Variants in TBC1D5 observed in about 807,000 individuals in gnomAD.
The protein encoded by TBC1D5 is TBC1 domain family member 5.
TBC1D5 carries 75 observed loss-of-function variants against 100.3 expected under a neutral mutation model. The ratio of observed to expected loss-of-function variants is 0.75; its 90% confidence interval spans 0.62 to 0.91. The LOEUF is 0.91. TBC1D5 is among the 40% of genes least tolerant of loss of function. The pLI is 0.00. For synonymous variants in TBC1D5, 323 were observed against 325.6 expected (o/e 0.99, Z 0.09); for missense variants, 910 against 942.4 (o/e 0.97, Z 0.45).
intron 1 of TBC1D5, among the ~76,000 whole-genome samples, chr3:17,731,895 G>A (rs1271007253): frequency 1.3e-5 from 2 of 152,042 alleles, no homozygotes; most frequent in African/African-American, 2.4e-5. Context: ...AAGAGAAGAA[G>A]GTAAATTCTG....
chr3:17,199,391 C>T (rs780835264), intron 18 of TBC1D5, among the ~76,000 whole-genome samples: 1 of 152,150 alleles, frequency 6.6e-6, no homozygotes, highest in Admixed American at 6.5e-5. Flanking sequence ...TAAATGTTAC[C>T]ATCATCACAT....
At chr3:17,363,429 T>C (rs964766803) in intron 13 of TBC1D5, among the ~76,000 whole-genome samples, 6 of 152,106 alleles carry the variant, frequency 3.9e-5, no homozygotes, top group Non-Finnish European at 5.9e-5. Flanking sequence ...TATATTATGC[T>C]ACTTAATTTG....
chr3:17,354,578 C>G (rs566118842), intron 13 of TBC1D5, among the ~76,000 whole-genome samples: 12 of 152,040 alleles, frequency 7.9e-5, no homozygotes, highest in African/African-American at 2.9e-4. Context: ...ATAAAGATGC[C>G]TGGGCAGTGT....
At chr3:17,528,568 GTAAGACAACTCCT>G (rs1350373730) in intron 2 of TBC1D5, among the ~76,000 whole-genome samples, 1 of 152,096 alleles carries the variant, frequency 6.6e-6, no homozygotes, top group Non-Finnish European at 1.5e-5. Flanking sequence ...CACAAATGGA[GTAAGACAACTCCT>G]TATACAAAAC....
At chr3:17,651,789 T>C (rs141827501) in intron 1 of TBC1D5, among the ~76,000 whole-genome samples, 119 of 152,230 alleles carry the variant, frequency 7.8e-4, no homozygotes, top group Non-Finnish European at 3.1e-4. Context: ...ATATCCATTG[T>C]TAGGTGAGGA....
At chr3:17,439,879 C>T (rs930580721) in intron 3 of TBC1D5, among the ~76,000 whole-genome samples, 8 of 152,244 alleles carry the variant, frequency 5.3e-5, no homozygotes, top group African/African-American at 1.9e-4. Flanking sequence ...GTAGTTATCA[C>T]TTATTGAGCA....
At chr3:17,435,969 C>T (rs1393761348) in intron 3 of TBC1D5, among the ~76,000 whole-genome samples, 1 of 152,206 alleles carries the variant, frequency 6.6e-6, no homozygotes, top group African/African-American at 2.4e-5. Flanking sequence ...CAGAGCCAGT[C>T]TGCAAAGACA....
intron 14 of TBC1D5, among the ~76,000 whole-genome samples, chr3:17,299,186 C>CT (rs1246139123): frequency 5.3e-5 from 8 of 152,244 alleles, no homozygotes; most frequent in Admixed American, 4.6e-4. Context: ...ATCAAGATTG[C>CT]TATTAAGTGG....
chr3:17,653,900 T>A (rs557090791), intron 1 of TBC1D5, among the ~76,000 whole-genome samples: 3 of 152,218 alleles, frequency 2.0e-5, no homozygotes, highest in South Asian at 2.1e-4. Context: ...ACATATATAT[T>A]AAGAAAATGC....
chr3:17,434,451 A>G (rs1429933587), intron 3 of TBC1D5, among the ~76,000 whole-genome samples: 1 of 152,238 alleles, frequency 6.6e-6, no homozygotes, highest in African/African-American at 2.4e-5. Flanking sequence ...CAATAGCCCA[A>G]GCTGTACACT....
intron 2 of TBC1D5, among the ~76,000 whole-genome samples, chr3:17,546,253 A>T (rs2096413620): frequency 6.6e-6 from 1 of 152,180 alleles, no homozygotes; most frequent in Non-Finnish European, 1.5e-5. Context: ...CTATCATAGA[A>T]ATCCTATCTA....
At chr3:17,729,968 G>A (rs918124379) in intron 1 of TBC1D5, among the ~76,000 whole-genome samples, 5 of 151,762 alleles carry the variant, frequency 3.3e-5, no homozygotes, top group Admixed American at 1.3e-4. Context: ...AAAATTAGTC[G>A]GGCGTGGTGG....
intron 3 of TBC1D5, among the ~76,000 whole-genome samples, chr3:17,443,851 T>A (rs948043537): frequency 6.6e-6 from 1 of 152,120 alleles, no homozygotes; most frequent in African/African-American, 2.4e-5. Flanking sequence ...CAACAAAAGT[T>A]ATATACAATC....
rs115068202 is a variant in TBC1D5 at position 17,564,368 on chromosome 3, G to A, written c.-35-55763C>T. On this transcript the variant is annotated intron_variant, in intron 2 of 21. Coordinates refer to ENST00000253692, the Ensembl canonical transcript of TBC1D5. The stretch of plus-strand genomic sequence containing the variant: ...TCATTTTTTAACCAGCATTTATTAT[G>A]CATCTACTATGAATCAAATCATTGG... Among the ~76,000 whole-genome samples the A allele has an allele frequency of 9.0e-3, 1,366 of 152,148 alleles. 29 individuals are homozygous for A. The highest frequency in any genetic ancestry group is 0.031 in the African/African-American group (1,288 of 41,470).
intron 2 of TBC1D5, among the ~76,000 whole-genome samples, chr3:17,620,459 A>T (rs1258055912): frequency 6.6e-6 from 1 of 152,266 alleles, no homozygotes; most frequent in Admixed American, 6.5e-5. Flanking sequence ...CAAAGTAGTA[A>T]GCACCTGCAA....
In TBC1D5 at chr3:17,537,953, T is replaced by A. The variant is rs532569025; in HGVS notation, c.-35-29348A>T. ...CGACATGTGTCCAAGGTGGTCAGGC[T>A]ACAGCTCAGTTTTATACATTTTAGG... On this transcript the variant is annotated intron_variant, in intron 2 of 21. Transcript: ENST00000253692. 2.0e-5 allele frequency among the ~76,000 whole-genome samples: 3 copies of A among 152,336 alleles called. 1 individual carries two copies. The South Asian group carries it at 6.2e-4, about 32-fold the overall frequency.
At chr3:17,695,607 A>G (rs529755633) in intron 1 of TBC1D5, among the ~76,000 whole-genome samples, 3 of 152,354 alleles carry the variant, frequency 2.0e-5, no homozygotes, top group East Asian at 1.9e-4. Context: ...GCAAGTCCTT[A>G]GAGACCTACA....
rs148879000 is a variant in TBC1D5 at position 17,679,791 on chromosome 3, G to C, written c.-100-55878C>G. ...TATTTTTATATAGTGAAGTATTACTGATTTATCTTTGAATAGAGTTTGGTC... is the reference window on the plus strand; with the variant it reads ...TATTTTTATATAGTGAAGTATTACTCATTTATCTTTGAATAGAGTTTGGTC... On this transcript the variant is annotated intron_variant, in intron 1 of 21. Transcript: ENST00000253692. Among the ~76,000 whole-genome samples, 145 of 151,550 alleles carry C rather than the reference G, an allele frequency of 9.6e-4. 1 individual carries two copies. The highest frequency in any genetic ancestry group is 1.7e-3 in the Non-Finnish European group (113 of 68,004).
At chr3:17,608,985 C>CAG (rs2061508554) in intron 2 of TBC1D5, among the ~76,000 whole-genome samples, 2 of 152,160 alleles carry the variant, frequency 1.3e-5, no homozygotes, top group Non-Finnish European at 2.9e-5. Flanking sequence ...TATTCCTTAC[C>CAG]ATTTGTTTAA....
Sources: allele counts gnomAD v4.1 joint callset (sites outside exome capture counted in the v4.1 genomes callset), GRCh38; gene constraint gnomAD v4.1.1; transcripts MANE v1.5; gene names NCBI Gene and HGNC (gene_info 2026-07-23, HGNC 2026-07-21).